RGS7: variants seen among roughly 807,000 people sequenced by gnomAD.
RGS7 encodes the protein regulator of G protein signaling 7.
Under a neutral mutation model 81.1 loss-of-function variants are expected in RGS7, and 27 were observed. The observed-to-expected ratio is 0.33, with a 90% CI of 0.25 to 0.46. RGS7 has a LOEUF of 0.46. Ranked by LOEUF, RGS7 falls within the 20% of genes least tolerant of loss-of-function variation. The probability of loss-of-function intolerance (pLI) is 1.00; values close to 1 mark genes in which losing one functional copy is unlikely to be tolerated. For missense variants in RGS7, 396 were observed against 607.4 expected, an observed-to-expected ratio of 0.65 and a Z score of 3.66; for synonymous variants, 208 against 207.7, an observed-to-expected ratio of 1.00 and a Z score of -0.01.
At chr1:240,806,043 A>C in intron 15 of RGS7, 97 bp downstream of exon 15, 1 of 1,068,500 alleles carries the variant, frequency 9.4e-7, no homozygotes, top group Non-Finnish European at 1.5e-6. Flanking sequence ...TGAAAATGTT[A>C]GAAATAGCTG....
At chr1:241,096,037 A>G (rs1263750302) in intron 3 of RGS7, among the ~76,000 whole-genome samples, 2 of 152,244 alleles carry the variant, frequency 1.3e-5, no homozygotes, top group African/African-American at 4.8e-5. Context: ...GGAACAGTCC[A>G]TAGCAAAGAT....
rs111630650 is a variant in RGS7 at position 240,817,746 on chromosome 1, G to T, written c.685-1331C>A. Among the ~76,000 whole-genome samples, 4 of 152,202 alleles carry T rather than the reference G, an allele frequency of 2.6e-5. 1 individual carries two copies. Among genetic ancestry groups the T allele is most frequent in the African/African-American group, 9.6e-5 (4 of 41,530 alleles). On this transcript the variant is annotated intron_variant, in intron 10 of 18. Coordinates refer to ENST00000440928, the MANE Select transcript of RGS7 (RefSeq NM_001364886.1). ...GCCTCCCAAGTAGCTGAGATTACAG[G>T]CACGTGCCACCACACCCGGCTAATT...
At chr1:240,817,885 G>A (rs1253565381) in intron 10 of RGS7, among the ~76,000 whole-genome samples, 1 of 152,162 alleles carries the variant, frequency 6.6e-6, no homozygotes, top group Non-Finnish European at 1.5e-5. Context: ...TTACAGGCGT[G>A]AGCCACCGCG....
At chr1:241,333,738 T>A (rs559415204) in intron 2 of RGS7, among the ~76,000 whole-genome samples, 2 of 152,092 alleles carry the variant, frequency 1.3e-5, no homozygotes, top group Non-Finnish European at 2.9e-5. Context: ...ATTAAGGATA[T>A]TAAAACTATT....
At chr1:241,285,976 A>G (rs916085382) in intron 2 of RGS7, among the ~76,000 whole-genome samples, 1 of 152,184 alleles carries the variant, frequency 6.6e-6, no homozygotes, top group African/African-American at 2.4e-5. Context: ...GCGCATAATA[A>G]CCTCAAAATG....
At chr1:240,975,447 C>A (rs1034623233) in intron 4 of RGS7, among the ~76,000 whole-genome samples, 1 of 151,960 alleles carries the variant, frequency 6.6e-6, no homozygotes, top group African/African-American at 2.4e-5. Flanking sequence ...AAATGCATAA[C>A]GTTCCTTGAT....
chr1:241,327,147 G>GAAAGAAAAGAAAAGAAAAGA (rs879828806), intron 2 of RGS7, among the ~76,000 whole-genome samples: 1 of 74,432 alleles, frequency 1.3e-5, no homozygotes, highest in African/African-American at 4.7e-5. Flanking sequence ...AGAAAGAAAG[G>GAAAGAAAAGAAAAGAAAAGA]AAAGAAAGAA....
At chr1:241,028,818 A>G (rs1028911081) in intron 3 of RGS7, among the ~76,000 whole-genome samples, 4 of 152,198 alleles carry the variant, frequency 2.6e-5, no homozygotes, top group Non-Finnish European at 4.4e-5. Context: ...AGGATGAGCT[A>G]CATCATAATG....
At chr1:241,052,439 C>T (rs763133518) in intron 3 of RGS7, among the ~76,000 whole-genome samples, 9 of 151,954 alleles carry the variant, frequency 5.9e-5, no homozygotes, top group Non-Finnish European at 1.0e-4. Context: ...ACGTGAAGGC[C>T]GAGCAGTATG....
chr1:240,911,006 T>TA lies in RGS7; in HGVS notation c.385+19710dup, dbSNP rs201112328. Among the ~76,000 whole-genome samples, 1,046 of 151,992 alleles carry TA rather than the reference T, an allele frequency of 6.9e-3. 10 individuals are homozygous for TA. Among genetic ancestry groups the TA allele is most frequent in the African/African-American group, 0.022 (924 of 41,490 alleles). Reference sequence around the variant, plus strand: ...GCCTGAGCCATCATACCTGGCCAATTAAAAAAAAATTTTTTTTAAAGAATT... The same window carrying TA: ...GCCTGAGCCATCATACCTGGCCAATTAAAAAAAAAATTTTTTTTAAAGAATT... On this transcript the variant is annotated intron_variant, in intron 6 of 18. Coordinates refer to ENST00000440928, the MANE Select transcript of RGS7 (RefSeq NM_001364886.1).
intron 2 of RGS7, among the ~76,000 whole-genome samples, chr1:241,230,703 G>A (rs2075607803): frequency 6.6e-6 from 1 of 152,048 alleles, no homozygotes; most frequent in Admixed American, 6.5e-5. Context: ...AGGACAGGAA[G>A]AAGGCTGGGA....
intron 2 of RGS7, among the ~76,000 whole-genome samples, chr1:241,128,968 A>C (rs1435926152): frequency 6.6e-6 from 1 of 152,136 alleles, no homozygotes; most frequent in Non-Finnish European, 1.5e-5. Context: ...TATTATATTG[A>C]TATCCCTTCT....
intron 2 of RGS7, among the ~76,000 whole-genome samples, chr1:241,254,848 T>C (rs2076991026): frequency 6.6e-6 from 1 of 152,214 alleles, no homozygotes; most frequent in South Asian, 2.1e-4. Flanking sequence ...ACTTCTGACA[T>C]TTCCCAAGAA....
intron 2 of RGS7, among the ~76,000 whole-genome samples, chr1:241,268,369 C>G (rs947890273): frequency 5.3e-5 from 8 of 152,164 alleles, no homozygotes; most frequent in Non-Finnish European, 8.8e-5. Flanking sequence ...GGAGACTGTT[C>G]GGTGCATCGT....
intron 2 of RGS7, among the ~76,000 whole-genome samples, chr1:241,329,179 C>G (rs1172887820): frequency 6.6e-6 from 1 of 152,166 alleles, no homozygotes; most frequent in African/African-American, 2.4e-5. Flanking sequence ...CTACTGTTTT[C>G]AGGGGTTGAC....
chr1:241,217,482 C>T (rs1376027836), intron 2 of RGS7, among the ~76,000 whole-genome samples: 3 of 152,176 alleles, frequency 2.0e-5, no homozygotes, highest in African/African-American at 7.2e-5. Flanking sequence ...GTGACCCTGT[C>T]ATGGCAATTC....
chr1:240,784,016 A>G (rs1684594422), intron 18 of RGS7, among the ~76,000 whole-genome samples: 1 of 34,846 alleles, frequency 2.9e-5, no homozygotes, highest in South Asian at 9.2e-4. Context: ...TCTCTACTAA[A>G]AAAAAAAAAA....
chr1:241,226,350 C>A (rs1241050308), intron 2 of RGS7, among the ~76,000 whole-genome samples: 1 of 152,190 alleles, frequency 6.6e-6, no homozygotes, highest in Non-Finnish European at 1.5e-5. Context: ...GCATTCTTGT[C>A]TATGGGCACC....
intron 3 of RGS7, among the ~76,000 whole-genome samples, chr1:241,089,249 A>G (rs559235655): frequency 4.6e-5 from 7 of 150,664 alleles, no homozygotes; most frequent in Middle Eastern, 3.4e-3. Flanking sequence ...TCAAGAGAGC[A>G]AGAGAGGAAG....
Sources: allele counts gnomAD v4.1 joint callset (sites outside exome capture counted in the v4.1 genomes callset), GRCh38; gene constraint gnomAD v4.1.1; transcripts MANE v1.5; gene names NCBI Gene and HGNC (gene_info 2026-07-23, HGNC 2026-07-21).